ADGRB3: variants seen among roughly 807,000 people sequenced by gnomAD.
ADGRB3 encodes the protein adhesion G protein-coupled receptor B3, also known as brain-specific angiogenesis inhibitor 3.
ADGRB3 carries 37 observed loss-of-function variants against 193.4 expected under a neutral mutation model. That is an observed-to-expected ratio of 0.19 (90% confidence interval 0.15 to 0.25). The LOEUF (loss-of-function observed/expected upper bound fraction) is 0.25, where lower values mean the gene tolerates loss of function less well. ADGRB3 is among the 10% of genes least tolerant of loss of function. The pLI, the probability that ADGRB3 is intolerant of heterozygous loss-of-function variation, is 1.00. For synonymous variants in ADGRB3, 690 were observed against 644.2 expected (o/e 1.07, Z -1.08); for missense variants, 1,637 against 1,852.9 (o/e 0.88, Z 2.14).
intron 10 of ADGRB3, among the ~76,000 whole-genome samples, chr6:68,982,802 G>A (rs1768958830): frequency 6.6e-6 from 1 of 151,938 alleles, no homozygotes; most frequent in Admixed American, 6.6e-5. Flanking sequence ...TCCATCTCTG[G>A]CCAACCAAAT....
chr6:69,098,746 A>G (rs765160455), intron 17 of ADGRB3, among the ~76,000 whole-genome samples: 3 of 152,238 alleles, frequency 2.0e-5, no homozygotes, highest in African/African-American at 4.8e-5. Context: ...TTTTACTTAA[A>G]GAATCTGAAA....
At chr6:68,949,714 C>G (rs1194290895) in intron 6 of ADGRB3, among the ~76,000 whole-genome samples, 2 of 152,098 alleles carry the variant, frequency 1.3e-5, no homozygotes, top group African/African-American at 4.8e-5. Flanking sequence ...ATCTTCTTAG[C>G]CTTCTAGCCT....
At chr6:68,660,245 T>G (rs1029698289) in intron 3 of ADGRB3, among the ~76,000 whole-genome samples, 12 of 149,676 alleles carry the variant, frequency 8.0e-5, no homozygotes, top group Non-Finnish European at 1.2e-4. Context: ...TTTTATAATA[T>G]ATTTCATATA....
chr6:68,933,675 A>G (rs892506493), intron 4 of ADGRB3, among the ~76,000 whole-genome samples: 2 of 152,248 alleles, frequency 1.3e-5, no homozygotes, highest in Non-Finnish European at 2.9e-5. Context: ...AAAAGTTTAT[A>G]TTAATATTTT....
At chr6:68,965,719 C>A (rs982550854) in intron 8 of ADGRB3, among the ~76,000 whole-genome samples, 3 of 152,046 alleles carry the variant, frequency 2.0e-5, no homozygotes, top group Admixed American at 6.6e-5. Context: ...ATTTTTATAT[C>A]TTTGCACTAG....
At chr6:68,661,877 G>T (rs1768671021) in intron 3 of ADGRB3, among the ~76,000 whole-genome samples, 1 of 151,234 alleles carries the variant, frequency 6.6e-6, no homozygotes, top group Non-Finnish European at 1.5e-5. Context: ...GGCTTCTGCA[G>T]TAATCCAAAA....
intron 3 of ADGRB3, among the ~76,000 whole-genome samples, chr6:68,746,059 T>A (rs1051465486): frequency 6.6e-6 from 1 of 152,116 alleles, no homozygotes; most frequent in East Asian, 1.9e-4. Context: ...GAATTCTGCA[T>A]CACAGATATG....
Position 68,911,063 on chromosome 6 carries a change from A to G in ADGRB3, c.758-19496A>G, listed in dbSNP as rs1012449612. Among the ~76,000 whole-genome samples, 4 of 152,138 alleles carry G rather than the reference A, an allele frequency of 2.6e-5. No individual in the cohort carries two copies. The South Asian group carries it at 6.2e-4, about 24-fold the overall frequency. Reference sequence around the variant, plus strand: ...GCATGGAATGTTCTTCATGTGGCACATATACACCATGGAACTATGCAGCCA... The same window carrying G: ...GCATGGAATGTTCTTCATGTGGCACGTATACACCATGGAACTATGCAGCCA... On this transcript the variant is annotated intron_variant, in intron 3 of 31. Coordinates refer to ENST00000370598, the MANE Select transcript of ADGRB3 (RefSeq NM_001704.3).
intron 26 of ADGRB3, among the ~76,000 whole-genome samples, chr6:69,353,924 G>A (rs577658092): frequency 1.2e-4 from 18 of 152,152 alleles, no homozygotes; most frequent in South Asian, 1.0e-3. Context: ...TTAGTCGGGC[G>A]TGGTGGTGCA....
chr6:68,906,668 TGATA>T (rs1238777812), intron 3 of ADGRB3, among the ~76,000 whole-genome samples: 1 of 152,028 alleles, frequency 6.6e-6, no homozygotes, highest in African/African-American at 2.4e-5. Context: ...TTTGCTAATC[TGATA>T]GATAAAAATA....
At chr6:69,195,866 G>A (rs1317646241) in intron 17 of ADGRB3, among the ~76,000 whole-genome samples, 1 of 152,028 alleles carries the variant, frequency 6.6e-6, no homozygotes, top group Non-Finnish European at 1.5e-5. Flanking sequence ...GCATAAATAT[G>A]CTATAGCAAG....
chr6:68,907,827 T>C (rs1766590213), intron 3 of ADGRB3, among the ~76,000 whole-genome samples: 1 of 151,964 alleles, frequency 6.6e-6, no homozygotes, highest in Non-Finnish European at 1.5e-5. Context: ...GTCTTAATTT[T>C]CTAAAACACA....
At chr6:69,001,379 A>G (rs1769571744) in intron 11 of ADGRB3, among the ~76,000 whole-genome samples, 1 of 152,256 alleles carries the variant, frequency 6.6e-6, no homozygotes, top group Non-Finnish European at 1.5e-5. Flanking sequence ...TAAAGGCAGG[A>G]AAGTTGAGGC....
chr6:69,099,479 C>T (rs1436159074), intron 17 of ADGRB3, among the ~76,000 whole-genome samples: 1 of 152,168 alleles, frequency 6.6e-6, no homozygotes, highest in African/African-American at 2.4e-5. Context: ...GCAGAAAATT[C>T]TTCTCATTTG....
intron 3 of ADGRB3, among the ~76,000 whole-genome samples, chr6:68,803,850 A>C (rs2127372239): frequency 6.6e-6 from 1 of 152,306 alleles, no homozygotes; most frequent in South Asian, 2.1e-4. Flanking sequence ...ATGGTTCTGA[A>C]GTCCAAATCG....
intron 8 of ADGRB3, among the ~76,000 whole-genome samples, chr6:68,973,222 T>C (rs893745450): frequency 6.9e-6 from 1 of 143,934 alleles, no homozygotes; most frequent in Admixed American, 6.9e-5. Context: ...CCAGTCCTGC[T>C]GACACCTCCA....
chr6:69,212,176 A>G (rs142298800), intron 17 of ADGRB3, among the ~76,000 whole-genome samples: 13 of 152,336 alleles, frequency 8.5e-5, no homozygotes, highest in African/African-American at 2.9e-4. Context: ...TCGAAAAAAC[A>G]TCAAAACTCA....
At chr6:68,831,333 T>C (rs1767949145) in intron 3 of ADGRB3, among the ~76,000 whole-genome samples, 1 of 150,758 alleles carries the variant, frequency 6.6e-6, no homozygotes, top group African/African-American at 2.4e-5. Context: ...AAAGCTGATT[T>C]TACTGGTTTT....
intron 3 of ADGRB3, among the ~76,000 whole-genome samples, chr6:68,662,940 T>G (rs935881558): frequency 6.6e-6 from 1 of 150,676 alleles, no homozygotes; most frequent in Admixed American, 6.6e-5. Context: ...TAATATATAG[T>G]ATAAGTTTTT....
Sources: allele counts gnomAD v4.1 joint callset (sites outside exome capture counted in the v4.1 genomes callset), GRCh38; gene constraint gnomAD v4.1.1; transcripts MANE v1.5; gene names NCBI Gene and HGNC (gene_info 2026-07-23, HGNC 2026-07-21).